Variants in SS18L1 observed in about 807,000 individuals in gnomAD.
SS18L1 encodes the protein SS18L1 subunit of BAF chromatin remodeling complex, also known as calcium-responsive transactivator.
Under a neutral mutation model 70.3 loss-of-function variants are expected in SS18L1, and 32 were observed. The observed-to-expected ratio is 0.46, with a 90% CI of 0.34 to 0.61. The LOEUF (loss-of-function observed/expected upper bound fraction) is 0.61, where lower values mean the gene tolerates loss of function less well. Ranked by LOEUF, SS18L1 falls within the 20% of genes least tolerant of loss-of-function variation. SS18L1 has a pLI of 0.01. For missense variants in SS18L1, 430 were observed against 542.1 expected, an observed-to-expected ratio of 0.79 and a Z score of 2.05; for synonymous variants, 237 against 229.7, an observed-to-expected ratio of 1.03 and a Z score of -0.29.
rs745890310 is a variant in SS18L1, at chr20:62,143,795, C to T, written c.-26C>T. On this transcript the variant is annotated 5_prime_UTR_variant, in exon 1 of 11. Transcript: ENST00000331758. ...CAGCCGGAGTATCCACCTCGATGACCACGGGCTGAGCCCCGCGCCGCCACC... is the reference window on the plus strand; with the variant it reads ...CAGCCGGAGTATCCACCTCGATGACTACGGGCTGAGCCCCGCGCCGCCACC... The T allele has an allele frequency of 4.2e-5, 57 of 1,351,064 alleles. 2 individuals are homozygous for T. In the South Asian group the frequency reaches 4.4e-4, roughly 10 times the overall value. The allele number at this position is 1,351,064 out of a possible 1,614,324, so 83.7% of individuals were successfully genotyped here. A position where few individuals can be genotyped will look rare whatever the true frequency, so the allele number is the denominator to read the frequency against.
intron 1 of SS18L1, among the ~76,000 whole-genome samples, chr20:62,152,088 C>T (rs1007333518): frequency 1.6e-4 from 25 of 152,238 alleles, no homozygotes; most frequent in Admixed American, 2.0e-4. Context: ...TCCATCGGGC[C>T]GCCCTTCCCC....
At chr20:62,145,711 G>C (rs993073153) in intron 1 of SS18L1, among the ~76,000 whole-genome samples, 1 of 152,190 alleles carries the variant, frequency 6.6e-6, no homozygotes, top group African/African-American at 2.4e-5. Flanking sequence ...ATTGGAAATA[G>C]GCCTTCAGTT....
intron 1 of SS18L1, chr20:62,154,296 G>A (rs949629353): frequency 3.9e-6 from 4 of 1,033,654 alleles, no homozygotes; most frequent in Admixed American, 5.7e-5. Flanking sequence ...GAAGAATGCC[G>A]GCCAGTCATC....
chr20:62,166,535 G>A (rs375220096), intron 8 of SS18L1, among the ~76,000 whole-genome samples: 34 of 152,242 alleles, frequency 2.2e-4, no homozygotes, highest in African/African-American at 7.0e-4. Flanking sequence ...GAAACATCAC[G>A]GTGTGCGCTA....
chr20:62,179,730 G>GGGGGGGGCCCCCC lies in SS18L1; in HGVS notation c.*522_*523insGGGGGGGCCCCCC. The GGGGGGGGCCCCCC allele has an allele frequency of 4.1e-5, 4 of 96,708 alleles. No individual in the cohort carries two copies. The highest frequency in any genetic ancestry group is 5.9e-4 in the East Asian group (2 of 3,394). The allele number at this position is 96,708 out of a possible 1,614,324, so 6.0% of individuals were successfully genotyped here. On this transcript the variant is annotated 3_prime_UTR_variant, in exon 11 of 11. Transcript: ENST00000331758. ...GTGCCTCGATGGGGTGGGTGGGAGG[G>GGGGGGGGCCCCCC]CATCTTCTGTGCGTTGGGTCAGTTT...
intron 1 of SS18L1, among the ~76,000 whole-genome samples, chr20:62,145,406 G>A (rs2057007176): frequency 6.6e-6 from 1 of 152,202 alleles, no homozygotes; most frequent in South Asian, 2.1e-4. Context: ...GGTGCCCCTT[G>A]ATCTGGGAAC....
In SS18L1 at chr20:62,181,291, G is replaced by A. The variant is rs143461408; in HGVS notation, c.*2083G>A. ...TTCTTAATTGCTAATTGACAAACGCGTTAGCAATTTCAGTTAGGGAGTCAT... is the reference window on the plus strand; with the variant it reads ...TTCTTAATTGCTAATTGACAAACGCATTAGCAATTTCAGTTAGGGAGTCAT... On this transcript the variant is annotated 3_prime_UTR_variant, in exon 11 of 11. Transcript: ENST00000331758. The A allele has an allele frequency of 3.5e-4, 74 of 209,606 alleles. 1 individual carries two copies. The East Asian group carries it at 5.1e-3, about 14-fold the overall frequency. 13.0% of individuals were successfully genotyped at this position (209,606 alleles called of 1,614,324 possible).
rs1601072557 is a variant in SS18L1 at position 62,180,953 on chromosome 20, G to A, written c.*1745G>A. The stretch of plus-strand genomic sequence containing the variant: ...TAAAATTAATTCTTTATCCAGAGTC[G>A]GGTGCTTTAGAATTTATAAGTCACT... On this transcript the variant is annotated 3_prime_UTR_variant, in exon 11 of 11. Coordinates refer to ENST00000331758, the MANE Select transcript of SS18L1 (RefSeq NM_198935.3). 1 of 179,356 alleles carries A rather than the reference G, an allele frequency of 5.6e-6. No individual in the cohort carries two copies. The highest frequency in any genetic ancestry group is 9.3e-5 in the East Asian group (1 of 10,756). 11.1% of individuals were successfully genotyped at this position (179,356 alleles called of 1,614,324 possible).
chr20:62,161,602 G>A lies in SS18L1; in HGVS notation c.376+22G>A, dbSNP rs963181485. 6 of 1,593,360 alleles carry A rather than the reference G, an allele frequency of 3.8e-6. 2 individuals carry two copies. In the South Asian group the frequency reaches 4.4e-5, roughly 12 times the overall value. On this transcript the variant is annotated intron_variant, in intron 4 of 10. Transcript: ENST00000331758. This position sits in a 1 kb window ranked among gnomAD's most constrained non-coding sequence, Gnocchi z 4.4. ...AACGGTGAGTGCGGCGGGGGAGGAG[G>A]ACGTTCCTGGCTACGAGGCCACCAA...
rs150575599 is a variant in SS18L1, at chr20:62,145,155, A to G, written c.69+1266A>G. On this transcript the variant is annotated intron_variant, in intron 1 of 10. Coordinates refer to ENST00000331758, the MANE Select transcript of SS18L1 (RefSeq NM_198935.3). ...AGTGTGGCATTTTAATTTACTTAGT[A>G]AACACTTATGTGGCGCTTACCGTAT... is the stretch of plus-strand genomic sequence containing the variant. Among the ~76,000 whole-genome samples the G allele has an allele frequency of 2.8e-3, 432 of 152,390 alleles. 1 individual carries two copies. Among genetic ancestry groups the G allele is most frequent in the African/African-American group, 8.4e-3 (348 of 41,594 alleles).
chr20:62,163,004 C>G, intron 5 of SS18L1, 73 bp downstream of exon 5: 1 of 1,547,682 alleles, frequency 6.5e-7, no homozygotes, highest in Non-Finnish European at 8.7e-7. Context: ...GCACGTTGGA[C>G]ATGTGGTCCC....
rs763438074 is a variant in SS18L1 at position 62,143,854 on chromosome 20, G to A, written c.34G>A (p.Gly12Ser). The change falls in exon 1 of 11, where the codon GGC (glycine) becomes AGC (serine). Residue 12 changes from glycine to serine, a missense_variant. Coordinates refer to ENST00000331758, the MANE Select transcript of SS18L1 (RefSeq NM_198935.3). The part of the protein sequence containing the change: ...SVAFASARPR[G>S]KGEVTQQTIQ... Reference sequence around the variant, plus strand: ...GGCCTTCGCGTCTGCCCGGCCAAGAGGCAAAGGGGAGGTTACGCAGCAAAC... The same window carrying A: ...GGCCTTCGCGTCTGCCCGGCCAAGAAGCAAAGGGGAGGTTACGCAGCAAAC... 5.3e-6 allele frequency: 7 copies of A among 1,314,170 alleles called. No homozygotes were observed. The Admixed American group carries it at 1.1e-4, about 21-fold the overall frequency. 81.4% of individuals were successfully genotyped at this position (1,314,170 alleles called of 1,614,324 possible).
chr20:62,167,476 G>A (rs1457065646), intron 8 of SS18L1, among the ~76,000 whole-genome samples: 2 of 151,734 alleles, frequency 1.3e-5, no homozygotes, highest in East Asian at 2.0e-4. Context: ...TGGGAGAATC[G>A]CTTGAACCCA....
chr20:62,167,979 C>CTTTT (rs575045754), intron 8 of SS18L1, among the ~76,000 whole-genome samples: 1 of 105,018 alleles, frequency 9.5e-6, no homozygotes, highest in Admixed American at 1.0e-4. Flanking sequence ...CCAGGCCTGG[C>CTTTT]TTTTTTTTTT....
chr20:62,164,226 G>A lies in SS18L1; in HGVS notation c.803G>A (p.Gly268Asp). ...SHSQGAAEPM[G>D]QQYYPDGHGD... ...AGCCAGGGCGCCGCGGAGCCCATGGGCCAGCAGTACTACCCCGACGGTGAG... is the reference window on the plus strand; with the variant it reads ...AGCCAGGGCGCCGCGGAGCCCATGGACCAGCAGTACTACCCCGACGGTGAG... Residue 268 changes from glycine (G) to aspartate (D), a missense_variant, in exon 7 of 11, where the codon GGC becomes GAC. Coordinates refer to ENST00000331758, the MANE Select transcript of SS18L1 (RefSeq NM_198935.3). The A allele has an allele frequency of 1.3e-6, 2 of 1,549,510 alleles. No individual in the cohort carries two copies. Among genetic ancestry groups the A allele is most frequent in the Non-Finnish European group, 1.7e-6 (2 of 1,146,634 alleles).
intron 1 of SS18L1, among the ~76,000 whole-genome samples, chr20:62,157,633 A>G (rs1568744619): frequency 6.6e-6 from 1 of 152,202 alleles, no homozygotes; most frequent in Non-Finnish European, 1.5e-5. Flanking sequence ...CACCTGAGTC[A>G]CTTGAAACTG....
chr20:62,159,674 G>T lies in SS18L1; in HGVS notation c.147-203G>T, dbSNP rs1432426122. Among the ~76,000 whole-genome samples the T allele has an allele frequency of 6.6e-6, 1 of 152,042 alleles. No individual in the cohort carries two copies. The highest frequency in any genetic ancestry group is 1.5e-5 in the Non-Finnish European group (1 of 67,972). On this transcript the variant is annotated intron_variant, in intron 2 of 10. Transcript: ENST00000331758. The surrounding 1 kb of genome is among the most constrained non-coding windows in gnomAD (Gnocchi z 4.4). ...GTTGGGAGCCTGCTCAGGGTTTGGG[G>T]TAGAGGCTGCCCTCCCGTCCCCACC...
chr20:62,144,982 T>G (rs1454814254), intron 1 of SS18L1, among the ~76,000 whole-genome samples: 1 of 152,250 alleles, frequency 6.6e-6, no homozygotes, highest in Non-Finnish European at 1.5e-5. Flanking sequence ...GACGTGCCAG[T>G]CTCCTGTGGA....
rs190003346 is a variant in SS18L1, at chr20:62,155,723, A to G, written c.70-2949A>G. Among the ~76,000 whole-genome samples the G allele has an allele frequency of 1.1e-4, 16 of 152,344 alleles. No homozygotes were observed. The East Asian group carries it at 1.5e-3, about 15-fold the overall frequency. The stretch of plus-strand genomic sequence containing the variant: ...ATCCTGGGCGACCCTGAAAGGTGCC[A>G]GAATTTTAACATTCCTGAGCCTTGT... On this transcript the variant is annotated intron_variant, in intron 1 of 10. Coordinates refer to ENST00000331758, the MANE Select transcript of SS18L1 (RefSeq NM_198935.3).
Sources: gnomAD v4.1 joint callset for allele counts (sites outside exome capture counted in the v4.1 genomes callset) on GRCh38, gnomAD v4.1.1 for gene constraint, Gnocchi (gnomAD v3.1) non-coding constraint, MANE v1.5 for transcripts, NCBI Gene and HGNC (gene_info 2026-07-23, HGNC 2026-07-21) for gene names.